Variants in NRG1 observed in about 807,000 individuals in gnomAD.
NRG1 encodes the protein pro-neuregulin-1, membrane-bound isoform.
Under a neutral mutation model 63.8 loss-of-function variants are expected in NRG1, and 18 were observed. The observed-to-expected ratio is 0.28, with a 90% confidence interval of 0.19 to 0.42. The LOEUF is 0.42. NRG1 is among the 10% of genes least tolerant of loss of function. The pLI is 1.00. For synonymous variants in NRG1, 302 were observed against 301.3 expected (o/e 1.00, Z -0.02); for missense variants, 762 against 814.7 (o/e 0.94, Z 0.79).
intron 6 of NRG1, among the ~76,000 whole-genome samples, chr8:32,740,582 G>A (rs538373422): frequency 3.7e-4 from 56 of 152,118 alleles, no homozygotes; most frequent in Non-Finnish European, 5.3e-4. Flanking sequence ...AAAATAATCC[G>A]TTTACTTATA....
chr8:31,967,165 G>C (rs1806491893), intron 1 of NRG1, among the ~76,000 whole-genome samples: 1 of 152,088 alleles, frequency 6.6e-6, no homozygotes, highest in Non-Finnish European at 1.5e-5. Flanking sequence ...AGTTAAAAAG[G>C]CATTAAAAAT....
intron 1 of NRG1, among the ~76,000 whole-genome samples, chr8:31,678,563 ATATT>A (rs1262937578): frequency 7.2e-5 from 11 of 151,892 alleles, no homozygotes; most frequent in Middle Eastern, 3.4e-3. Flanking sequence ...TTTTCCATAT[ATATT>A]TTTTTGACAA....
At chr8:32,668,871 C>T (rs1007748469) in intron 5 of NRG1, among the ~76,000 whole-genome samples, 1 of 152,152 alleles carries the variant, frequency 6.6e-6, no homozygotes, top group African/African-American at 2.4e-5. Context: ...CTGCTAGCAA[C>T]ATTAAAAATC....
intron 5 of NRG1, among the ~76,000 whole-genome samples, chr8:32,709,395 C>T (rs897490779): frequency 2.0e-5 from 3 of 151,756 alleles, no homozygotes; most frequent in African/African-American, 7.3e-5. Context: ...TGCTATATTT[C>T]AAATTTTATT....
chr8:32,748,394 G>GAGAGAGAGAGAGAT (rs1827984334), intron 7 of NRG1, among the ~76,000 whole-genome samples: 1 of 149,318 alleles, frequency 6.7e-6, no homozygotes, highest in Non-Finnish European at 1.5e-5. Flanking sequence ...GAGAGAGAGA[G>GAGAGAGAGAGAGAT]AGATAAAGGA....
At chr8:32,223,447 A>G (rs1846025468) in intron 1 of NRG1, among the ~76,000 whole-genome samples, 1 of 152,140 alleles carries the variant, frequency 6.6e-6, no homozygotes, top group African/African-American at 2.4e-5. Flanking sequence ...GGGAGGATAT[A>G]ATTGCTGTTT....
At chr8:32,557,237 G>A (rs1024311750) in intron 1 of NRG1, among the ~76,000 whole-genome samples, 12 of 152,240 alleles carry the variant, frequency 7.9e-5, no homozygotes, top group African/African-American at 2.6e-4. Context: ...TCGATCTCCT[G>A]ACCTTGTGAT....
At chr8:32,448,800 A>C (rs889294928) in intron 1 of NRG1, among the ~76,000 whole-genome samples, 3 of 152,290 alleles carry the variant, frequency 2.0e-5, no homozygotes, top group East Asian at 3.9e-4. Flanking sequence ...AGCTGACAAC[A>C]AAATGTTTCT....
intron 1 of NRG1, among the ~76,000 whole-genome samples, chr8:31,863,564 A>G (rs1192987980): frequency 6.6e-6 from 1 of 152,212 alleles, no homozygotes; most frequent in Non-Finnish European, 1.5e-5. Flanking sequence ...TTTCTATTCA[A>G]GAATGGCAAC....
chr8:31,799,437 G>GA (rs1821538299), intron 1 of NRG1, among the ~76,000 whole-genome samples: 1 of 151,924 alleles, frequency 6.6e-6, no homozygotes, highest in Non-Finnish European at 1.5e-5. Context: ...TTCTCATAAT[G>GA]AAAAAATAAA....
At chr8:32,727,481 A>G (rs1036681894) in intron 5 of NRG1, among the ~76,000 whole-genome samples, 1 of 152,206 alleles carries the variant, frequency 6.6e-6, no homozygotes, top group African/African-American at 2.4e-5. Flanking sequence ...TTCAATATAT[A>G]CATCATGTCT....
Position 31,953,321 on chromosome 8 carries a change from T to C in NRG1, c.37+313890T>C, listed in dbSNP as rs371838431. 2.0e-5 allele frequency among the ~76,000 whole-genome samples: 3 copies of C among 152,208 alleles called. No homozygotes were observed. In the East Asian group the frequency reaches 5.8e-4, roughly 29 times the overall value. On this transcript the variant is annotated intron_variant, in intron 1 of 10. Coordinates refer to the NRG1 transcript ENST00000519301. The stretch of plus-strand genomic sequence containing the variant: ...TTGAAAGCAAATATAATAAAAATGT[T>C]ACCATCTGAGTATAAAATACAGCTA...
intron 1 of NRG1, among the ~76,000 whole-genome samples, chr8:31,842,224 T>C (rs1826264753): frequency 6.6e-6 from 1 of 152,256 alleles, no homozygotes; most frequent in South Asian, 2.1e-4. Flanking sequence ...TTTATCTGGC[T>C]TCTCAGTAGA....
intron 5 of NRG1, among the ~76,000 whole-genome samples, chr8:32,715,546 CAAG>C (rs1248366626): frequency 2.0e-5 from 3 of 152,076 alleles, no homozygotes; most frequent in Admixed American, 2.0e-4. Context: ...GGTGTGAAAC[CAAG>C]AAAAGTCTCT....
chr8:32,764,900 C>T (rs1334975975), exon 12 of NRG1: 1 of 152,720 alleles, frequency 6.5e-6, no homozygotes, highest in Non-Finnish European at 1.5e-5. Flanking sequence ...GTTGTGTCTA[C>T]TCTGCCAGCC....
intron 1 of NRG1, among the ~76,000 whole-genome samples, chr8:31,825,036 T>G (rs1824403260): frequency 6.6e-6 from 1 of 152,228 alleles, no homozygotes; most frequent in Non-Finnish European, 1.5e-5. Flanking sequence ...TCGCCTCATT[T>G]GAAAATTAAT....
At chr8:32,384,576 G>C (rs1176467263) in intron 1 of NRG1, among the ~76,000 whole-genome samples, 1 of 152,174 alleles carries the variant, frequency 6.6e-6, no homozygotes, top group Admixed American at 6.5e-5. Flanking sequence ...GTGCTAGATA[G>C]AATAGATACA....
intron 1 of NRG1, among the ~76,000 whole-genome samples, chr8:32,150,793 T>C (rs1453361701): frequency 6.6e-6 from 1 of 151,986 alleles, no homozygotes; most frequent in Non-Finnish European, 1.5e-5. Flanking sequence ...AAGAGAAAAA[T>C]GTGTGTAAAG....
intron 1 of NRG1, among the ~76,000 whole-genome samples, chr8:31,648,226 C>T (rs1312836752): frequency 7.5e-5 from 11 of 147,050 alleles, no homozygotes; most frequent in Admixed American, 2.8e-4. Context: ...CTCCGCCTCC[C>T]GGGTTCACGC....
Sources: gnomAD v4.1 joint callset for allele counts (sites outside exome capture counted in the v4.1 genomes callset) on GRCh38, gnomAD v4.1.1 for gene constraint, MANE v1.5 for transcripts, NCBI Gene and HGNC (gene_info 2026-07-23, HGNC 2026-07-21) for gene names.